The following PDSS2 variants were observed in gnomAD, a reference collection of about 807,000 sequenced individuals.
PDSS2 encodes decaprenyl diphosphate synthase subunit 2.
Under a neutral mutation model 44.5 loss-of-function variants are expected in PDSS2, and 31 were observed. That is an observed-to-expected ratio of 0.70 (90% confidence interval 0.52 to 0.94). The LOEUF is 0.94. PDSS2 is among the 40% of genes least tolerant of loss of function. PDSS2 has a pLI of 0.00. For synonymous variants in PDSS2, 157 were observed against 180.3 expected, an observed-to-expected ratio of 0.87 and a Z score of 1.03; for missense variants, 452 against 482.2, an observed-to-expected ratio of 0.94 and a Z score of 0.59.
At chr6:107,450,353 G>T (rs767291240) in intron 1 of PDSS2, among the ~76,000 whole-genome samples, 2 of 152,186 alleles carry the variant, frequency 1.3e-5, no homozygotes, top group Non-Finnish European at 2.9e-5. Flanking sequence ...AACTATGAAT[G>T]TAGGGGGAAG....
intron 4 of PDSS2, among the ~76,000 whole-genome samples, chr6:107,226,644 T>C (rs2114710281): frequency 6.6e-6 from 1 of 151,422 alleles, no homozygotes; most frequent in African/African-American, 2.4e-5. Flanking sequence ...TAAGCATCTT[T>C]TGGGTCACTT....
At chr6:107,380,050 T>C (rs1052040849) in intron 1 of PDSS2, among the ~76,000 whole-genome samples, 4 of 152,204 alleles carry the variant, frequency 2.6e-5, no homozygotes, top group East Asian at 1.9e-4. Flanking sequence ...AGACCTCTAA[T>C]GTAAGGATTT....
At chr6:107,344,510 C>CCA (rs1344465042) in intron 1 of PDSS2, among the ~76,000 whole-genome samples, 3 of 152,014 alleles carry the variant, frequency 2.0e-5, no homozygotes, top group Non-Finnish European at 2.9e-5. Context: ...GGCTCGAGGG[C>CCA]CACACACACA....
At chr6:107,359,302 G>A (rs888773314) in intron 1 of PDSS2, among the ~76,000 whole-genome samples, 4 of 151,632 alleles carry the variant, frequency 2.6e-5, no homozygotes, top group African/African-American at 7.3e-5. Flanking sequence ...ATGAGCCGCC[G>A]CACCCAGCCA....
At chr6:107,165,967 G>C (rs1771330261) in intron 7 of PDSS2, among the ~76,000 whole-genome samples, 1 of 151,922 alleles carries the variant, frequency 6.6e-6, no homozygotes, top group African/African-American at 2.4e-5. Context: ...CTCTCTGTTT[G>C]TCTGTTATTG....
At chr6:107,340,070 T>C (rs541155772) in intron 1 of PDSS2, among the ~76,000 whole-genome samples, 1 of 151,158 alleles carries the variant, frequency 6.6e-6, no homozygotes, top group East Asian at 1.9e-4. Context: ...GGTAGCTTGA[T>C]GGACAAACTA....
intron 1 of PDSS2, among the ~76,000 whole-genome samples, chr6:107,429,901 A>AAAAAAAAAAAAAAAAT (rs1166637352): frequency 3.1e-5 from 1 of 31,858 alleles, no homozygotes; most frequent in Non-Finnish European, 5.3e-5. Flanking sequence ...AAAAAAAAAA[A>AAAAAAAAAAAAAAAAT]ATATATATAT....
intron 7 of PDSS2, among the ~76,000 whole-genome samples, chr6:107,173,817 A>G (rs1310203478): frequency 6.6e-6 from 1 of 152,170 alleles, no homozygotes; most frequent in Non-Finnish European, 1.5e-5. Context: ...GACTGATAGT[A>G]GCCAGTAAAA....
intron 7 of PDSS2, among the ~76,000 whole-genome samples, chr6:107,176,458 A>C (rs1247473738): frequency 6.7e-6 from 1 of 150,030 alleles, no homozygotes; most frequent in African/African-American, 2.5e-5. Context: ...ACACACACAC[A>C]AATATAAAAG....
chr6:107,269,309 A>G (rs928711409), intron 3 of PDSS2, among the ~76,000 whole-genome samples: 28 of 150,228 alleles, frequency 1.9e-4, no homozygotes, highest in Admixed American at 1.3e-3. Flanking sequence ...ATGGTGCAAA[A>G]TCTAGGCCTT....
intron 3 of PDSS2, among the ~76,000 whole-genome samples, chr6:107,257,360 A>T (rs1338345370): frequency 1.3e-5 from 2 of 151,500 alleles, no homozygotes; most frequent in Admixed American, 1.3e-4. Context: ...CACCATAGAG[A>T]GACTCTGTGT....
intron 1 of PDSS2, among the ~76,000 whole-genome samples, chr6:107,415,019 T>C (rs887630532): frequency 2.0e-5 from 3 of 152,204 alleles, no homozygotes; most frequent in African/African-American, 7.2e-5. Flanking sequence ...AGATGTAATC[T>C]AGTTCAGAAA....
chr6:107,374,123 G>A (rs891311888), intron 1 of PDSS2, among the ~76,000 whole-genome samples: 1 of 151,860 alleles, frequency 6.6e-6, no homozygotes, highest in African/African-American at 2.4e-5. Context: ...CCGTGGTGGC[G>A]CCCGCCTGTA....
intron 1 of PDSS2, among the ~76,000 whole-genome samples, chr6:107,386,379 T>TAAA (rs57917321): frequency 1.4e-5 from 2 of 143,538 alleles, no homozygotes. Context: ...TGTCATTTTC[T>TAAA]AAAAAAAAAA....
At chr6:107,204,720 GTC>G (rs1772914229) in intron 6 of PDSS2, among the ~76,000 whole-genome samples, 1 of 152,010 alleles carries the variant, frequency 6.6e-6, no homozygotes, top group African/African-American at 2.4e-5. Context: ...AACATCAATT[GTC>G]TTTCCTCTAT....
At chr6:107,157,861 C>T (rs945149633) in intron 7 of PDSS2, among the ~76,000 whole-genome samples, 11 of 151,856 alleles carry the variant, frequency 7.2e-5, no homozygotes, top group Admixed American at 5.3e-4. Flanking sequence ...TTAGTAGAGA[C>T]GGGGTTTCAC....
At chr6:107,369,625 T>G (rs543381883) in intron 1 of PDSS2, among the ~76,000 whole-genome samples, 1 of 152,128 alleles carries the variant, frequency 6.6e-6, no homozygotes, top group South Asian at 2.1e-4. Context: ...GATTGTCCTA[T>G]CCACAAAAGG....
Position 107,198,072 on chromosome 6 carries a change from C to T in PDSS2, c.1009-4218G>A, listed in dbSNP as rs113193172. 1.8e-3 allele frequency among the ~76,000 whole-genome samples: 277 copies of T among 152,248 alleles called. 3 individuals are homozygous for T. The highest frequency in any genetic ancestry group is 6.2e-3 in the African/African-American group (256 of 41,546). On this transcript the variant is annotated intron_variant, in intron 6 of 7. Transcript: ENST00000369037. The stretch of plus-strand genomic sequence containing the variant: ...TCTAGAATAGCCCTATCACAAATTC[C>T]TGTAAAACCATTTTTCCCATCCCAT...
At chr6:107,212,444 A>G (rs1323371444) in intron 4 of PDSS2, among the ~76,000 whole-genome samples, 162 bp from the exon 5 acceptor site, 2 of 152,252 alleles carry the variant, frequency 1.3e-5, no homozygotes, top group East Asian at 1.9e-4. Flanking sequence ...CTACCTAAAA[A>G]GAATGTGGTG....
Sources: allele counts gnomAD v4.1 joint callset (sites outside exome capture counted in the v4.1 genomes callset), GRCh38; gene constraint gnomAD v4.1.1; transcripts MANE v1.5; gene names NCBI Gene and HGNC (gene_info 2026-07-23, HGNC 2026-07-21).